Variants in TENM2 observed in about 807,000 individuals in gnomAD.
TENM2 encodes teneurin transmembrane protein 2.
TENM2 carries 52 observed loss-of-function variants against 245.2 expected under a neutral mutation model. That is an observed-to-expected ratio of 0.21 (90% CI 0.17 to 0.27). The LOEUF (loss-of-function observed/expected upper bound fraction) is 0.27. Ranked by LOEUF, TENM2 falls within the 10% of genes least tolerant of loss-of-function variation. The probability of loss-of-function intolerance (pLI) is 1.00; values close to 1 mark genes in which losing one functional copy is unlikely to be tolerated. For missense variants in TENM2, 3,046 were observed against 3,666.8 expected (o/e 0.83, Z 4.37); for synonymous variants, 1,363 against 1,438.9 (o/e 0.95, Z 1.19).
chr5:167,506,052 A>G (rs1252680275), intron 2 of TENM2, among the ~76,000 whole-genome samples: 2 of 152,166 alleles, frequency 1.3e-5, no homozygotes, highest in Non-Finnish European at 2.9e-5. Context: ...TCAGGCATAA[A>G]ACATTAGTAG....
At chr5:167,175,812 C>A in the TENM2 span, among the ~76,000 whole-genome samples, 1 of 152,196 alleles carries the variant, frequency 6.6e-6, no homozygotes, top group Non-Finnish European at 1.5e-5. Flanking sequence ...TGGGTTCAAG[C>A]AATTCCCCTG....
rs1349650299 is a variant in TENM2 at position 167,360,100 on chromosome 5, T to C, written c.227-15098T>C. Among the ~76,000 whole-genome samples the C allele has an allele frequency of 2.0e-5, 3 of 152,298 alleles. No homozygotes were observed. In the East Asian group the frequency reaches 5.8e-4, roughly 29 times the overall value. On this transcript the variant is annotated intron_variant, in intron 1 of 28. Coordinates refer to ENST00000518659, the Ensembl canonical transcript of TENM2. ...TTAGTATCTGGGTGATGAAGAAATCTGTACAACAAACCCCGGTGATACAAG... is the reference window on the plus strand; with the variant it reads ...TTAGTATCTGGGTGATGAAGAAATCCGTACAACAAACCCCGGTGATACAAG...
At chr5:168,200,876 C>T (rs1011144400) in intron 17 of TENM2, among the ~76,000 whole-genome samples, 4 of 152,168 alleles carry the variant, frequency 2.6e-5, no homozygotes, top group African/African-American at 4.8e-5. Context: ...ATCCAGAATC[C>T]TGTGTTCTCT....
the TENM2 span, among the ~76,000 whole-genome samples, chr5:167,078,484 A>AAACAACAACAAC: frequency 7.3e-5 from 4 of 54,842 alleles, no homozygotes; most frequent in East Asian, 3.0e-4. Flanking sequence ...ACTCTGTCTC[A>AAACAACAACAAC]AACAACAACA....
At chr5:167,016,639 G>A in the TENM2 span, among the ~76,000 whole-genome samples, 5 of 152,116 alleles carry the variant, frequency 3.3e-5, no homozygotes, top group Admixed American at 6.5e-5. Flanking sequence ...TGCAATATGC[G>A]ACAACATGGA....
rs529507907 is a variant in TENM2 at position 167,483,624 on chromosome 5, G to C, written c.502+108151G>C. On this transcript the variant is annotated intron_variant, in intron 2 of 28. Coordinates refer to ENST00000518659, the Ensembl canonical transcript of TENM2. Reference sequence around the variant, plus strand: ...ATTAGTTTTTAGTCAAATTCTGTGTGTACTTCTGTTATATTCAAACAAGCT... The same window carrying C: ...ATTAGTTTTTAGTCAAATTCTGTGTCTACTTCTGTTATATTCAAACAAGCT... 2.0e-5 allele frequency among the ~76,000 whole-genome samples: 3 copies of C among 152,272 alleles called. No homozygotes were observed. In the South Asian group the frequency reaches 6.2e-4, roughly 32 times the overall value.
chr5:168,213,367 C>CT (rs1446259177), intron 20 of TENM2, among the ~76,000 whole-genome samples: 3 of 151,918 alleles, frequency 2.0e-5, no homozygotes, highest in Non-Finnish European at 4.4e-5. Context: ...TAGTTCTTTT[C>CT]TTTTTTTTCC....
chr5:168,217,529 C>A (rs111330185), intron 22 of TENM2, among the ~76,000 whole-genome samples: 14 of 152,318 alleles, frequency 9.2e-5, no homozygotes, highest in African/African-American at 3.4e-4. Flanking sequence ...AGCTCAAGTT[C>A]CACAACAGAC....
intron 2 of TENM2, among the ~76,000 whole-genome samples, chr5:167,736,821 T>C (rs1051701916): frequency 2.0e-5 from 3 of 152,038 alleles, no homozygotes; most frequent in African/African-American, 7.2e-5. Context: ...TGAAGACCCA[T>C]AGGCTGAAAG....
At chr5:167,981,423 C>T (rs953214273) in intron 4 of TENM2, among the ~76,000 whole-genome samples, 1 of 152,128 alleles carries the variant, frequency 6.6e-6, no homozygotes, top group Non-Finnish European at 1.5e-5. Flanking sequence ...TTTGGTCATG[C>T]TAAACTTGAG....
intron 2 of TENM2, among the ~76,000 whole-genome samples, chr5:167,645,424 C>G (rs1462190562): frequency 6.6e-6 from 1 of 151,862 alleles, no homozygotes; most frequent in Non-Finnish European, 1.5e-5. Flanking sequence ...GCCACAGGGA[C>G]TCATAGCAAG....
intron 2 of TENM2, among the ~76,000 whole-genome samples, chr5:167,402,770 A>G (rs1336175958): frequency 6.6e-6 from 1 of 152,132 alleles, no homozygotes; most frequent in African/African-American, 2.4e-5. Context: ...GGATTTTCAA[A>G]CGAAAACTGC....
intron 2 of TENM2, among the ~76,000 whole-genome samples, chr5:167,415,936 A>G (rs1429242164): frequency 6.6e-6 from 1 of 152,182 alleles, no homozygotes; most frequent in South Asian, 2.1e-4. Flanking sequence ...CAGTAATGAT[A>G]TTATAGAATT....
chr5:167,730,497 T>G (rs1016367344), intron 2 of TENM2, among the ~76,000 whole-genome samples: 2 of 152,162 alleles, frequency 1.3e-5, no homozygotes, highest in Non-Finnish European at 2.9e-5. Flanking sequence ...ATGTTTAATT[T>G]CTAGGGCTTT....
chr5:167,413,705 T>TA (rs1763024215), intron 2 of TENM2, among the ~76,000 whole-genome samples: 2 of 152,102 alleles, frequency 1.3e-5, no homozygotes, highest in South Asian at 4.2e-4. Context: ...AGGCTGAGTA[T>TA]AAAATCATAA....
chr5:167,108,512 T>A, the TENM2 span, among the ~76,000 whole-genome samples: 1 of 152,220 alleles, frequency 6.6e-6, no homozygotes, highest in African/African-American at 2.4e-5. Flanking sequence ...AAGCCCTACT[T>A]GCATTGCCCC....
At chr5:168,082,471 G>A (rs995553077) in intron 7 of TENM2, among the ~76,000 whole-genome samples, 14 of 152,276 alleles carry the variant, frequency 9.2e-5, no homozygotes, top group South Asian at 4.2e-4. Flanking sequence ...GCTTTGTTGC[G>A]TTGCTGGCAA....
intron 17 of TENM2, among the ~76,000 whole-genome samples, chr5:168,203,356 A>G (rs945526435): frequency 6.6e-6 from 1 of 152,216 alleles, no homozygotes; most frequent in African/African-American, 2.4e-5. Context: ...GTCCATCTCT[A>G]AAGGGGAATT....
the TENM2 span, among the ~76,000 whole-genome samples, chr5:167,093,004 G>A: frequency 1.3e-5 from 2 of 152,048 alleles, no homozygotes; most frequent in Non-Finnish European, 2.9e-5. Context: ...GACTTTATCG[G>A]GGTCTCCAGA....
Sources: allele counts gnomAD v4.1 joint callset (sites outside exome capture counted in the v4.1 genomes callset), GRCh38; gene constraint gnomAD v4.1.1; transcripts MANE v1.5; gene names NCBI Gene and HGNC (gene_info 2026-07-23, HGNC 2026-07-21).